Variants in DLD observed in about 807,000 individuals in gnomAD.
DLD encodes dihydrolipoamide dehydrogenase, also known as dihydrolipoyl dehydrogenase, mitochondrial.
Under a neutral mutation model 62.2 loss-of-function variants are expected in DLD, and 36 were observed. The ratio of observed to expected loss-of-function variants is 0.58; its 90% confidence interval spans 0.44 to 0.76. The LOEUF is 0.76. Ranked by LOEUF, DLD falls within the 30% of genes least tolerant of loss-of-function variation. The probability of loss-of-function intolerance (pLI) is 0.00; values close to 1 mark genes in which losing one functional copy is unlikely to be tolerated. For missense variants in DLD, 541 were observed against 608.6 expected (o/e 0.89, Z 1.17); for synonymous variants, 204 against 199.6 (o/e 1.02, Z -0.19).
chr7:107,914,262 T>G (rs2032212007), intron 8 of DLD, among the ~76,000 whole-genome samples: 1 of 152,156 alleles, frequency 6.6e-6, no homozygotes, highest in Non-Finnish European at 1.5e-5. Context: ...TGGAGAATTC[T>G]TTATATATTC....
intron 1 of DLD, 132 bp downstream of exon 1, chr7:107,891,421 C>G: frequency 1.0e-6 from 1 of 1,004,662 alleles, no homozygotes; most frequent in East Asian, 2.6e-5. Flanking sequence ...CTGGCCCCGC[C>G]TCTGCACTGG....
Position 107,916,887 on chromosome 7 carries a change from ACTAGAAGAG to A in DLD, c.972_980del (p.Glu325_Leu327del). On this transcript the variant is annotated inframe_deletion, in exon 10 of 14. Transcript: ENST00000205402. ...GACGACCCTTTACTAAGAATTTGGG[ACTAGAAGAG>A]CTGGGAATTGAACTAGATCCCAGAG... 3 of 1,613,744 alleles carry A rather than the reference ACTAGAAGAG, an allele frequency of 1.9e-6. No individual in the cohort carries two copies. The highest frequency in any genetic ancestry group is 2.5e-6 in the Non-Finnish European group (3 of 1,179,986).
At chr7:107,908,804 C>T (rs2032071244) in intron 8 of DLD, among the ~76,000 whole-genome samples, 1 of 152,146 alleles carries the variant, frequency 6.6e-6, no homozygotes, top group East Asian at 1.9e-4. Context: ...ATAGTACCCA[C>T]TAATAATAAT....
chr7:107,917,565 C>A, intron 11 of DLD, 103 bp downstream of exon 11: 1 of 1,141,752 alleles, frequency 8.8e-7, no homozygotes, highest in Non-Finnish European at 1.3e-6. Context: ...TATTTAACAG[C>A]TGTGAAATAT....
At position 107,901,783 on chromosome 7, in the gene DLD, T is replaced by C. The variant is rs1223593708; in HGVS notation, c.164T>C (p.Val55Ala). Reference sequence around the variant, plus strand: ...ATAGGTTCTGGTCCTGGAGGATATGTTGCTGCTATTAAAGCTGCCCAGTTA... The same window carrying C: ...ATAGGTTCTGGTCCTGGAGGATATGCTGCTGCTATTAAAGCTGCCCAGTTA... ...TVIGSGPGGY[V>A]AAIKAAQLGF... Residue 55 changes from valine (V) to alanine (A), a missense_variant, in exon 3 of 14, where the codon GTT becomes GCT. Physicochemically the swap from Val to Ala is moderately conservative, Grantham distance 64. Transcript: ENST00000205402. The C allele has an allele frequency of 1.9e-6, 3 of 1,613,656 alleles. No homozygotes were observed. Among genetic ancestry groups the C allele is most frequent in the Non-Finnish European group, 2.5e-6 (3 of 1,179,732 alleles).
At chr7:107,908,246 G>A (rs1239192677) in intron 8 of DLD, among the ~76,000 whole-genome samples, 1 of 151,334 alleles carries the variant, frequency 6.6e-6, no homozygotes, top group Non-Finnish European at 1.5e-5. Flanking sequence ...TGCCTCCCGG[G>A]TTCAAGTGAT....
At chr7:107,906,825 C>T (rs2032019536) in intron 8 of DLD, among the ~76,000 whole-genome samples, 1 of 152,156 alleles carries the variant, frequency 6.6e-6, no homozygotes, top group Non-Finnish European at 1.5e-5. Flanking sequence ...TTATTTTAGA[C>T]CTTCTGTCTG....
Position 107,919,275 on chromosome 7 carries a change from A to ATT in DLD, c.*17_*18insTT. Reference sequence around the variant, plus strand: ...CAACTTTTGAATTAGAAGATTATATATATTTTTTTCTGAAATTTCCTGGGA... The same window carrying ATT: ...CAACTTTTGAATTAGAAGATTATATATTTATTTTTTTCTGAAATTTCCTGGGA... On this transcript the variant is annotated 3_prime_UTR_variant, in exon 14 of 14. Coordinates refer to ENST00000205402, the MANE Select transcript of DLD (RefSeq NM_000108.5). 1 of 1,570,434 alleles carries ATT rather than the reference A, an allele frequency of 6.4e-7. No individual in the cohort carries two copies. Among genetic ancestry groups the ATT allele is most frequent in the East Asian group, 2.3e-5 (1 of 44,342 alleles).
intron 8 of DLD, among the ~76,000 whole-genome samples, chr7:107,915,185 A>G (rs2032237231): frequency 6.6e-6 from 1 of 152,130 alleles, no homozygotes; most frequent in African/African-American, 2.4e-5. Flanking sequence ...CTCTGTTATG[A>G]ATTTTACATA....
chr7:107,919,073 A>T lies in DLD; in HGVS notation c.1438A>T (p.Ile480Leu). The T allele has an allele frequency of 6.2e-7, 1 of 1,613,938 alleles. No homozygotes were observed. The highest frequency in any genetic ancestry group is 2.2e-5 in the East Asian group (1 of 44,864). ...ALEYGASCED[I>L]ARVCHAHPTL... The stretch of plus-strand genomic sequence containing the variant: ...GGAATATGGAGCATCCTGTGAAGAT[A>T]TAGCTAGAGTCTGTCATGCACATCC... The change falls in exon 13 of 14, where the codon ATA (isoleucine) becomes TTA (leucine). Residue 480 changes from isoleucine (I) to leucine (L), a missense_variant. Transcript: ENST00000205402.
intron 1 of DLD, chr7:107,891,664 T>C: frequency 2.6e-6 from 1 of 381,834 alleles, no homozygotes; most frequent in South Asian, 2.4e-5. Flanking sequence ...ATTTGCCTTT[T>C]TCTCATCCTA....
Position 107,914,036 on chromosome 7 carries a change from A to C in DLD, c.685-1470A>C, listed in dbSNP as rs1326331052. 5.9e-5 allele frequency among the ~76,000 whole-genome samples: 9 copies of C among 152,118 alleles called. 1 individual carries two copies. The highest frequency in any genetic ancestry group is 6.6e-5 in the Admixed American group (1 of 15,266). ...TGATGAATCATGTTTATTGATTTAC[A>C]TATGTTGAATCATCCTTGCATCTCT... On this transcript the variant is annotated intron_variant, in intron 8 of 13. Transcript: ENST00000205402.
intron 11 of DLD, 62 bp downstream of exon 11, chr7:107,917,524 T>G: frequency 7.6e-6 from 11 of 1,453,614 alleles, no homozygotes; most frequent in African/African-American, 1.4e-5. Context: ...CATTGGTGGT[T>G]GAGAAACAGC....
chr7:107,913,460 T>C (rs2032191608), intron 8 of DLD, among the ~76,000 whole-genome samples: 1 of 152,072 alleles, frequency 6.6e-6, no homozygotes, highest in Admixed American at 6.5e-5. Flanking sequence ...TTTGGCTAAA[T>C]TGATTCTTAG....
intron 8 of DLD, among the ~76,000 whole-genome samples, chr7:107,910,631 T>C (rs1187195368): frequency 2.0e-5 from 3 of 152,180 alleles, no homozygotes. Flanking sequence ...CTTACTGACT[T>C]ATGTTCTTGT....
chr7:107,898,049 A>G (rs143370501), intron 2 of DLD, among the ~76,000 whole-genome samples: 18 of 152,208 alleles, frequency 1.2e-4, no homozygotes, highest in African/African-American at 3.1e-4. Context: ...TTTTAATAAC[A>G]TTAATTGCCT....
In DLD at chr7:107,919,297, G is replaced by T; in HGVS notation, c.*38G>T. 3 of 1,525,180 alleles carry T rather than the reference G, an allele frequency of 2.0e-6. No homozygotes were observed. Among genetic ancestry groups the T allele is most frequent in the Non-Finnish European group, 2.7e-6 (3 of 1,112,456 alleles). The allele number at this position is 1,525,180 out of a possible 1,614,324, so 94.5% of individuals were successfully genotyped here. On this transcript the variant is annotated 3_prime_UTR_variant, in exon 14 of 14. Coordinates refer to ENST00000205402, the MANE Select transcript of DLD (RefSeq NM_000108.5). ...TATATATTTTTTTCTGAAATTTCCT[G>T]GGAGCTTTTGTAGAAGTCACATTCC...
intron 8 of DLD, among the ~76,000 whole-genome samples, chr7:107,907,862 A>G (rs2032044779): frequency 6.6e-6 from 1 of 152,220 alleles, no homozygotes; most frequent in Non-Finnish European, 1.5e-5. Flanking sequence ...TTCTCAAAAG[A>G]GTTGTCCATG....
At chr7:107,912,627 C>A (rs1463991010) in intron 8 of DLD, among the ~76,000 whole-genome samples, 1 of 152,020 alleles carries the variant, frequency 6.6e-6, no homozygotes, top group African/African-American at 2.4e-5. Flanking sequence ...TGAATGTTTT[C>A]TTTTGAGAAA....
Sources: allele counts gnomAD v4.1 joint callset (sites outside exome capture counted in the v4.1 genomes callset), GRCh38; gene constraint gnomAD v4.1.1; transcripts MANE v1.5; gene names NCBI Gene and HGNC (gene_info 2026-07-23, HGNC 2026-07-21).